The following GLT8D2 variants were observed in gnomAD, a reference collection of about 807,000 sequenced individuals.
GLT8D2 encodes glycosyltransferase 8 domain containing 2, also known as glycosyltransferase 8 domain-containing protein 2.
A neutral mutation model predicts 44.5 loss-of-function variants in GLT8D2; 45 were observed. That is an observed-to-expected ratio of 1.01 (90% CI 0.80 to 1.30). The LOEUF (loss-of-function observed/expected upper bound fraction) is 1.30, where lower values mean the gene tolerates loss of function less well. Ranked by LOEUF, GLT8D2 falls within the 50% of genes most tolerant of loss-of-function variation. The probability of loss-of-function intolerance (pLI) is 0.00; values close to 1 mark genes in which losing one functional copy is unlikely to be tolerated. For missense variants in GLT8D2, 400 were observed against 430.4 expected (o/e 0.93, Z 0.62); for synonymous variants, 156 against 157.2 (o/e 0.99, Z 0.06).
chr12:104,047,754 C>T (rs1015237143), intron 1 of GLT8D2, among the ~76,000 whole-genome samples: 8 of 152,188 alleles, frequency 5.3e-5, no homozygotes, highest in Admixed American at 1.3e-4. Context: ...CACAAACCTT[C>T]AGACCATAGC....
chr12:104,058,446 A>T (rs1209554708), intron 1 of GLT8D2, among the ~76,000 whole-genome samples: 1 of 152,126 alleles, frequency 6.6e-6, no homozygotes, highest in African/African-American at 2.4e-5. Flanking sequence ...TCAGTGTTGA[A>T]TATTAGTTTT....
intron 1 of GLT8D2, among the ~76,000 whole-genome samples, 171 bp downstream of exon 1, chr12:104,049,724 C>T (rs150314259): frequency 1.0e-3 from 155 of 152,292 alleles, no homozygotes; most frequent in African/African-American, 3.3e-3. Flanking sequence ...AAAAGGGTTC[C>T]GCTGGAATGC....
intron 8 of GLT8D2, among the ~76,000 whole-genome samples, chr12:103,995,625 A>G (rs368255849): frequency 1.7e-4 from 26 of 152,368 alleles, no homozygotes; most frequent in African/African-American, 6.0e-4. Flanking sequence ...TGAAATACAC[A>G]AAAGCAGGAG....
At chr12:104,003,540 G>A (rs905045429) in intron 4 of GLT8D2, among the ~76,000 whole-genome samples, 2 of 152,202 alleles carry the variant, frequency 1.3e-5, no homozygotes, top group Non-Finnish European at 2.9e-5. Flanking sequence ...ATATGATCAA[G>A]TTCTGACCAA....
At position 104,027,547 on chromosome 12, in the gene GLT8D2, AC is replaced by A. The variant is rs1422309136; in HGVS notation, c.-163-6057del. 4.6e-5 allele frequency among the ~76,000 whole-genome samples: 7 copies of A among 152,262 alleles called. No homozygotes were observed. In the East Asian group the frequency reaches 1.3e-3, roughly 29 times the overall value. On this transcript the variant is annotated intron_variant, in intron 1 of 10. Transcript: ENST00000360814. ...CAGTTTCTTACAAACAAAAGTCTTT[AC>A]AAATAAATTTGCTGTGGCCAGAATG...
chr12:104,060,528 G>C (rs1039664016), intron 1 of GLT8D2, among the ~76,000 whole-genome samples: 3 of 152,184 alleles, frequency 2.0e-5, no homozygotes, highest in Non-Finnish European at 4.4e-5. Flanking sequence ...CTGTACCTAT[G>C]AATATGACTT....
chr12:104,016,479 A>T (rs1182981240), intron 3 of GLT8D2, among the ~76,000 whole-genome samples: 6 of 151,780 alleles, frequency 4.0e-5, no homozygotes, highest in Admixed American at 2.0e-4. Context: ...TCTACTAAAA[A>T]TACAAAAATT....
chr12:104,039,823 G>A (rs1593566771), intron 1 of GLT8D2, among the ~76,000 whole-genome samples: 1 of 152,304 alleles, frequency 6.6e-6, no homozygotes, highest in Non-Finnish European at 1.5e-5. Flanking sequence ...TATAAATCAT[G>A]CTGCTTTAAA....
chr12:104,053,197 T>C (rs1242932405), upstream of GLT8D2, among the ~76,000 whole-genome samples: 2 of 152,196 alleles, frequency 1.3e-5, no homozygotes, highest in Non-Finnish European at 2.9e-5. Context: ...ACAGATCATG[T>C]CATCTCCTTT....
chr12:104,050,908 C>T (rs1483664734), upstream of GLT8D2, among the ~76,000 whole-genome samples: 3 of 151,818 alleles, frequency 2.0e-5, no homozygotes, highest in Admixed American at 2.0e-4. Flanking sequence ...TCCGCCTCCC[C>T]GGTTCAAATG....
chr12:104,004,951 T>C (rs1020772181), intron 4 of GLT8D2, among the ~76,000 whole-genome samples: 20 of 152,302 alleles, frequency 1.3e-4, no homozygotes, highest in African/African-American at 4.8e-4. Context: ...AGAACAAAGC[T>C]GGAGGCATCA....
intron 10 of GLT8D2, among the ~76,000 whole-genome samples, chr12:103,992,868 A>G (rs1010329021): frequency 2.0e-5 from 3 of 152,142 alleles, no homozygotes; most frequent in Admixed American, 2.0e-4. Flanking sequence ...GCTTTCCATA[A>G]ATCTCCAGAA....
chr12:104,050,045 C>G lies in GLT8D2; in HGVS notation c.-314G>C, dbSNP rs562672300. Reference sequence around the variant, plus strand: ...TTGGAAGTCCCAAAGGGCTGGAGAGCCCCAAGGCCAATATTACGTTTCCAA... The same window carrying G: ...TTGGAAGTCCCAAAGGGCTGGAGAGGCCCAAGGCCAATATTACGTTTCCAA... On this transcript the variant is annotated 5_prime_UTR_variant, in exon 1 of 11. Coordinates refer to ENST00000360814, the MANE Select transcript of GLT8D2 (RefSeq NM_001384711.1). 6.6e-6 allele frequency: 1 copy of G among 152,282 alleles called. No individual in the cohort carries two copies. Among genetic ancestry groups the G allele is most frequent in the African/African-American group, 2.4e-5 (1 of 41,456 alleles). 9.4% of individuals were successfully genotyped at this position (152,282 alleles called of 1,614,324 possible).
chr12:104,033,162 G>C (rs956272289), intron 1 of GLT8D2, among the ~76,000 whole-genome samples: 3 of 152,062 alleles, frequency 2.0e-5, no homozygotes, highest in African/African-American at 7.2e-5. Context: ...GATTACAGGT[G>C]TGAGCCACCG....
intron 4 of GLT8D2, among the ~76,000 whole-genome samples, chr12:104,005,109 C>T (rs1874799777): frequency 1.3e-5 from 2 of 152,136 alleles, no homozygotes; most frequent in South Asian, 4.1e-4. Context: ...TTTGACAAAC[C>T]TGACAAAAAC....
chr12:104,029,087 C>T (rs542246512), intron 1 of GLT8D2, among the ~76,000 whole-genome samples: 15 of 152,172 alleles, frequency 9.9e-5, no homozygotes, highest in Non-Finnish European at 2.2e-4. Flanking sequence ...GTCAAGAGAT[C>T]GAGACCATCC....
chr12:104,025,640 G>A (rs1272859394), intron 1 of GLT8D2, among the ~76,000 whole-genome samples: 1 of 152,134 alleles, frequency 6.6e-6, no homozygotes, highest in Non-Finnish European at 1.5e-5. Context: ...TACATTCAGA[G>A]TTAATTTTTG....
intron 6 of GLT8D2, among the ~76,000 whole-genome samples, chr12:103,997,958 T>C (rs1469719260): frequency 7.6e-6 from 1 of 131,302 alleles, no homozygotes; most frequent in African/African-American, 2.9e-5. Context: ...CACACACACG[T>C]GTGTCATTCC....
At chr12:104,016,578 G>A (rs1346902065) in intron 3 of GLT8D2, among the ~76,000 whole-genome samples, 1 of 150,896 alleles carries the variant, frequency 6.6e-6, no homozygotes, top group East Asian at 1.9e-4. Context: ...AGGTTGCAGT[G>A]AGCCGAGATC....
Sources: allele counts gnomAD v4.1 joint callset (sites outside exome capture counted in the v4.1 genomes callset), GRCh38; gene constraint gnomAD v4.1.1; transcripts MANE v1.5; gene names NCBI Gene and HGNC (gene_info 2026-07-23, HGNC 2026-07-21).